POU2AF2: variants seen among roughly 807,000 people sequenced by gnomAD.
POU2AF2 encodes POU class 2 homeobox associating factor 2, also known as POU domain class 2-associating factor 2.
the POU2AF2 span, chr11:111,285,972 G>T: frequency 6.2e-7 from 1 of 1,614,038 alleles, no homozygotes; most frequent in Non-Finnish European, 8.5e-7. Flanking sequence ...GCAGACACCG[G>T]TTCCCTCCAT....
chr11:111,280,057 AAT>A, the POU2AF2 span, among the ~76,000 whole-genome samples: 17,379 of 76,482 alleles, frequency 0.23, 2,076 homozygotes, highest in East Asian at 0.38. Flanking sequence ...AAAAAAAAAA[AAT>A]ATATATATAT....
chr11:111,272,434 A>G, the POU2AF2 span, among the ~76,000 whole-genome samples: 1 of 152,180 alleles, frequency 6.6e-6, no homozygotes, highest in Non-Finnish European at 1.5e-5. Context: ...AATCTATCTC[A>G]TTGGTTAATG....
At chr11:111,284,284 G>A in the POU2AF2 span, 2 of 1,613,774 alleles carry the variant, frequency 1.2e-6, no homozygotes, top group Non-Finnish European at 1.7e-6. Flanking sequence ...GGCCTCCGGC[G>A]CTGACGCCCA....
chr11:111,250,294 C>T, the POU2AF2 span, among the ~76,000 whole-genome samples: 5 of 152,240 alleles, frequency 3.3e-5, no homozygotes, highest in Admixed American at 6.5e-5. Flanking sequence ...CTCTCAGTTT[C>T]CTCATCCCCA....
chr11:111,275,583 AC>A, the POU2AF2 span, among the ~76,000 whole-genome samples: 2 of 151,938 alleles, frequency 1.3e-5, no homozygotes, highest in African/African-American at 4.8e-5. Context: ...TCAATTCAGG[AC>A]CCCAGATCTT....
the POU2AF2 span, among the ~76,000 whole-genome samples, chr11:111,280,840 G>T: frequency 6.6e-6 from 1 of 152,204 alleles, no homozygotes; most frequent in African/African-American, 2.4e-5. Flanking sequence ...CAAATCTTTT[G>T]TCTGTGAAAT....
At chr11:111,280,908 A>G in the POU2AF2 span, among the ~76,000 whole-genome samples, 1 of 152,156 alleles carries the variant, frequency 6.6e-6, no homozygotes, top group Non-Finnish European at 1.5e-5. Flanking sequence ...GAACTGCAAA[A>G]CTGTGGCCAC....
the POU2AF2 span, among the ~76,000 whole-genome samples, chr11:111,260,213 T>C: frequency 1.3e-5 from 2 of 152,100 alleles, no homozygotes; most frequent in Admixed American, 6.5e-5. Context: ...TTCTCATATA[T>C]CGAGTAAGTT....
At chr11:111,259,173 A>C in the POU2AF2 span, among the ~76,000 whole-genome samples, 2 of 152,198 alleles carry the variant, frequency 1.3e-5, no homozygotes, top group Admixed American at 6.5e-5. Context: ...GTTTCATTTG[A>C]TAGACACACT....
the POU2AF2 span, chr11:111,284,372 C>T: frequency 6.2e-6 from 10 of 1,601,482 alleles, no homozygotes; most frequent in Admixed American, 1.7e-4. Flanking sequence ...AGCTCACTTC[C>T]TATTTGTGAG....
chr11:111,263,674 G>A, the POU2AF2 span, among the ~76,000 whole-genome samples: 4 of 151,988 alleles, frequency 2.6e-5, 1 homozygote, highest in Non-Finnish European at 5.9e-5. Context: ...CTCGTGATCT[G>A]CCCACCTCGG....
At chr11:111,250,746 G>C in the POU2AF2 span, among the ~76,000 whole-genome samples, 1 of 152,314 alleles carries the variant, frequency 6.6e-6, no homozygotes, top group Admixed American at 6.5e-5. Flanking sequence ...TGTTCTCCTT[G>C]AGAAGATGAC....
At chr11:111,276,453 A>AAAAAATATAT in the POU2AF2 span, among the ~76,000 whole-genome samples, 61 of 37,592 alleles carry the variant, frequency 1.6e-3, no homozygotes, top group East Asian at 4.9e-3. Flanking sequence ...AAAAAAAAAA[A>AAAAAATATAT]ATATATATAT....
At chr11:111,273,581 T>A in the POU2AF2 span, among the ~76,000 whole-genome samples, 1 of 152,240 alleles carries the variant, frequency 6.6e-6, no homozygotes, top group African/African-American at 2.4e-5. Context: ...CTAAATTTTA[T>A]CTCAATTTGA....
the POU2AF2 span, among the ~76,000 whole-genome samples, chr11:111,269,273 A>G: frequency 6.6e-6 from 1 of 152,276 alleles, no homozygotes; most frequent in Non-Finnish European, 1.5e-5. Flanking sequence ...ATACAGAGGT[A>G]CACACTATAT....
At chr11:111,279,440 G>A in the POU2AF2 span, among the ~76,000 whole-genome samples, 3 of 152,310 alleles carry the variant, frequency 2.0e-5, no homozygotes, top group African/African-American at 7.2e-5. Flanking sequence ...GGTGTCAGCA[G>A]GGCCATGCTC....
At chr11:111,280,057 A>AAAAAAATATAT in the POU2AF2 span, among the ~76,000 whole-genome samples, 9 of 76,476 alleles carry the variant, frequency 1.2e-4, no homozygotes, top group African/African-American at 4.5e-4. Flanking sequence ...AAAAAAAAAA[A>AAAAAAATATAT]ATATATATAT....
chr11:111,261,820 A>G, the POU2AF2 span, among the ~76,000 whole-genome samples: 1 of 152,224 alleles, frequency 6.6e-6, no homozygotes, highest in Admixed American at 6.5e-5. Context: ...TTAATATCCT[A>G]CATAAACCTA....
the POU2AF2 span, among the ~76,000 whole-genome samples, chr11:111,255,814 G>A: frequency 6.6e-6 from 1 of 152,066 alleles, no homozygotes; most frequent in South Asian, 2.1e-4. Context: ...TCAAAGATCA[G>A]GAGACACGGC....
Sources: allele counts gnomAD v4.1 joint callset (sites outside exome capture counted in the v4.1 genomes callset), GRCh38; gene constraint gnomAD v4.1.1; transcripts MANE v1.5; gene names NCBI Gene and HGNC (gene_info 2026-07-23, HGNC 2026-07-21).